RAD51B: variants seen among roughly 807,000 people sequenced by gnomAD.
RAD51B encodes the protein DNA repair protein RAD51 homolog 2.
In RAD51B, 38 loss-of-function variants were observed where a neutral mutation model predicts 42.2. The ratio of observed to expected loss-of-function variants is 0.90; its 90% confidence interval spans 0.70 to 1.18. The LOEUF (loss-of-function observed/expected upper bound fraction) is 1.18. RAD51B is among the 50% of genes most tolerant of loss of function. The probability of loss-of-function intolerance (pLI) is 0.00; values close to 1 mark genes in which losing one functional copy is unlikely to be tolerated. For missense variants in RAD51B, 373 were observed against 400.7 expected (o/e 0.93, Z 0.59); for synonymous variants, 154 against 145.2 (o/e 1.06, Z -0.43).
intron 7 of RAD51B, among the ~76,000 whole-genome samples, chr14:68,058,615 A>G (rs1055213218): frequency 6.6e-6 from 1 of 152,178 alleles, no homozygotes; most frequent in African/African-American, 2.4e-5. Flanking sequence ...TTAAGGTTGT[A>G]TAGTATACCA....
Position 68,555,631 on chromosome 14 carries a change from G to A in RAD51B, c.1037-38854G>A, listed in dbSNP as rs1489555124. On this transcript the variant is annotated intron_variant, in intron 10 of 10. Coordinates refer to the RAD51B transcript ENST00000487270. The stretch of plus-strand genomic sequence containing the variant: ...TTTGCTCACTGACAGCCATGGGGTT[G>A]CAAAGGATCCCTTCTCTTCAGCCGG... Among the ~76,000 whole-genome samples, 9 of 152,214 alleles carry A rather than the reference G, an allele frequency of 5.9e-5. No individual in the cohort carries two copies. In the East Asian group the frequency reaches 1.5e-3, roughly 26 times the overall value.
intron 7 of RAD51B, among the ~76,000 whole-genome samples, chr14:67,988,829 C>A (rs1198447151): frequency 6.6e-6 from 1 of 152,172 alleles, no homozygotes; most frequent in African/African-American, 2.4e-5. Context: ...TTACTATACA[C>A]TTAGACTATT....
At chr14:68,479,652 TTTC>T (rs1883007531), downstream of RAD51B, among the ~76,000 whole-genome samples, 1 of 149,314 alleles carries the variant, frequency 6.7e-6, no homozygotes, top group Admixed American at 6.7e-5. Context: ...GGGGGTGGTC[TTTC>T]TTCTTATTCT....
At chr14:67,927,618 G>A (rs10130605) in intron 7 of RAD51B, among the ~76,000 whole-genome samples, 10,419 of 151,910 alleles carry the variant, frequency 0.069, 876 homozygotes, top group African/African-American at 0.2. Flanking sequence ...CTTATTTTGC[G>A]TAACATAATG....
At chr14:67,925,192 C>A (rs111311643) in intron 7 of RAD51B, among the ~76,000 whole-genome samples, 5 of 152,174 alleles carry the variant, frequency 3.3e-5, no homozygotes, top group Non-Finnish European at 2.9e-5. Flanking sequence ...GTACAGCCCC[C>A]CTCCTAGCTG....
intron 10 of RAD51B, among the ~76,000 whole-genome samples, chr14:68,623,653 T>C (rs1393418480): frequency 6.6e-6 from 1 of 152,196 alleles, no homozygotes; most frequent in Non-Finnish European, 1.5e-5. Flanking sequence ...AAGAGTGACA[T>C]CTGGGGAGGA....
chr14:68,183,984 C>CGG (rs71129872), intron 7 of RAD51B, among the ~76,000 whole-genome samples: 53 of 150,130 alleles, frequency 3.5e-4, no homozygotes, highest in Middle Eastern at 3.5e-3. Flanking sequence ...CCCAGCTACT[C>CGG]GGGGGGGGTG....
intron 9 of RAD51B, among the ~76,000 whole-genome samples, chr14:68,443,908 A>C (rs2085360280): frequency 6.6e-6 from 1 of 152,142 alleles, no homozygotes. Flanking sequence ...TGAATTTTGA[A>C]TATTCAAACC....
At chr14:68,628,300 G>C (rs796278229) in intron 10 of RAD51B, 2 of 152,276 alleles carry the variant, frequency 1.3e-5, no homozygotes, top group South Asian at 2.1e-4. Flanking sequence ...CTTCTGCCTC[G>C]GGCCGCCCCG....
At chr14:68,389,106 T>G (rs761031810) in intron 8 of RAD51B, among the ~76,000 whole-genome samples, 13 of 152,344 alleles carry the variant, frequency 8.5e-5, no homozygotes, top group South Asian at 4.1e-4. Context: ...GTTGTTTTGT[T>G]TTTTTAAGTA....
chr14:68,673,603 G>GCA (rs150030840), intron 11 of RAD51B, among the ~76,000 whole-genome samples: 2 of 148,838 alleles, frequency 1.3e-5, no homozygotes, highest in African/African-American at 5.0e-5. Context: ...ATATGTACAT[G>GCA]CACACACACA....
At chr14:68,184,092 CA>C (rs148664784) in intron 7 of RAD51B, among the ~76,000 whole-genome samples, 6,283 of 113,080 alleles carry the variant, frequency 0.056, 248 homozygotes, top group African/African-American at 0.13. Context: ...GACTCCATCT[CA>C]AAAAAAAAAA....
intron 11 of RAD51B, among the ~76,000 whole-genome samples, chr14:68,665,449 A>G (rs904666409): frequency 2.0e-5 from 3 of 152,260 alleles, no homozygotes; most frequent in African/African-American, 4.8e-5. Context: ...TATTAGTCAT[A>G]TGTGTGAAGT....
intron 7 of RAD51B, among the ~76,000 whole-genome samples, chr14:68,191,323 C>T (rs540407719): frequency 4.0e-4 from 61 of 152,200 alleles, no homozygotes; most frequent in African/African-American, 1.4e-3. Flanking sequence ...GAAACTTGAG[C>T]TTCTGTATAA....
chr14:67,936,774 G>A (rs911669068), intron 7 of RAD51B, among the ~76,000 whole-genome samples: 1 of 152,136 alleles, frequency 6.6e-6, no homozygotes, highest in Non-Finnish European at 1.5e-5. Flanking sequence ...AATAATCCTT[G>A]TAGTGCTTGT....
At chr14:68,186,338 G>A (rs949443051) in intron 7 of RAD51B, among the ~76,000 whole-genome samples, 1 of 152,028 alleles carries the variant, frequency 6.6e-6, no homozygotes, top group African/African-American at 2.4e-5. Flanking sequence ...AAAGCAATTG[G>A]AACAAAAACA....
At chr14:67,893,499 CACACACACACAA>C (rs1404944580) in intron 7 of RAD51B, among the ~76,000 whole-genome samples, 1,007 of 82,496 alleles carry the variant, frequency 0.012, 68 homozygotes, top group Admixed American at 0.014. Context: ...CACACACACA[CACACACACACAA>C]AAAAAAACAA....
intron 9 of RAD51B, among the ~76,000 whole-genome samples, chr14:68,461,367 CT>C (rs1452799511): frequency 8.2e-5 from 12 of 145,828 alleles, no homozygotes; most frequent in African/African-American, 2.8e-4. Flanking sequence ...CCCTTATTTG[CT>C]GTTATGTATC....
At chr14:68,029,660 T>C (rs1369032941) in intron 7 of RAD51B, among the ~76,000 whole-genome samples, 1 of 152,230 alleles carries the variant, frequency 6.6e-6, no homozygotes, top group East Asian at 1.9e-4. Flanking sequence ...GCATGACAGC[T>C]GGAATCTTCT....
Sources: allele counts gnomAD v4.1 joint callset (sites outside exome capture counted in the v4.1 genomes callset), GRCh38; gene constraint gnomAD v4.1.1; transcripts MANE v1.5; gene names NCBI Gene and HGNC (gene_info 2026-07-23, HGNC 2026-07-21).